The following FBXO22 variants were observed in gnomAD, a reference collection of about 807,000 sequenced individuals.
The protein encoded by FBXO22 is F-box only protein 22.
FBXO22 carries 13 observed loss-of-function variants against 37.2 expected under a neutral mutation model. The observed-to-expected ratio is 0.35, with a 90% confidence interval of 0.23 to 0.56. The LOEUF (loss-of-function observed/expected upper bound fraction) is 0.56. FBXO22 is among the 20% of genes least tolerant of loss of function. FBXO22 has a pLI of 0.87. For missense variants in FBXO22, 446 were observed against 509.9 expected, an observed-to-expected ratio of 0.87 and a Z score of 1.21; for synonymous variants, 189 against 189.1, an observed-to-expected ratio of 1.00 and a Z score of 0.00.
rs2030111500 is a variant in FBXO22, at chr15:75,933,022, T to C, written c.1132T>C (p.Cys378Arg). The change falls in exon 7 of 7, where the codon TGT becomes CGT. Residue 378 changes from cysteine (C) to arginine (R), a missense_variant. Coordinates refer to ENST00000308275, the MANE Select transcript of FBXO22 (RefSeq NM_147188.3). ...CACTGGGAACTTTATATTGAGGAAA[T>C]GTAATGAGGTAAAAGATGATGATCT... ...IVTGNFILRKCNEVKDDDLFH... is the reference protein window; with the variant it reads ...IVTGNFILRKRNEVKDDDLFH... The C allele has an allele frequency of 2.5e-6, 4 of 1,614,130 alleles. No homozygotes were observed. The highest frequency in any genetic ancestry group is 1.1e-5 in the South Asian group (1 of 91,086).
chr15:75,931,135 C>T (rs1039682166), intron 6 of FBXO22, among the ~76,000 whole-genome samples: 1 of 151,966 alleles, frequency 6.6e-6, no homozygotes, highest in Admixed American at 6.6e-5. Flanking sequence ...AAATTGTGTA[C>T]GGATAGGGCA....
chr15:75,929,885 TC>T lies in FBXO22; in HGVS notation c.631del (p.Leu211PhefsTer2). 1.2e-6 allele frequency: 2 copies of T among 1,614,034 alleles called. No homozygotes were observed. The highest frequency in any genetic ancestry group is 1.7e-6 in the Non-Finnish European group (2 of 1,179,930). On this transcript the variant is annotated frameshift_variant and splice_region_variant, in exon 6 of 7. Coordinates refer to ENST00000308275, the MANE Select transcript of FBXO22 (RefSeq NM_147188.3). LOFTEE classifies it high-confidence loss of function. ...LERHQLTEVG[L>X]LDNPELRVVL... ...CTGTTGCTCTTCATTTCTCTGCAGG[TC>T]TTTTAGATAACCCTGAACTTCGTGT...
rs568226464 is a variant in FBXO22, at chr15:75,941,490, A to G, written c.*8388A>G. The stretch of plus-strand genomic sequence containing the variant: ...TTTGTATACCAGTGTTCACTGCAGC[A>G]TTATTCACCGTAGTCAAAAGGTAGA... On this transcript the variant is annotated 3_prime_UTR_variant, in exon 7 of 7. Coordinates refer to ENST00000308275, the MANE Select transcript of FBXO22 (RefSeq NM_147188.3). 11 of 152,348 alleles carry G rather than the reference A, an allele frequency of 7.2e-5. No homozygotes were observed. The highest frequency in any genetic ancestry group is 1.3e-4 in the Non-Finnish European group (9 of 68,016). The allele number at this position is 152,348 out of a possible 1,614,324, so 9.4% of individuals were successfully genotyped here. A position where few individuals can be genotyped will look rare whatever the true frequency, so the allele number is the denominator to read the frequency against.
At chr15:75,925,990 C>G (rs1036214757) in intron 5 of FBXO22, among the ~76,000 whole-genome samples, 2 of 152,128 alleles carry the variant, frequency 1.3e-5, no homozygotes, top group Non-Finnish European at 2.9e-5. Context: ...ATTATAGTTG[C>G]CAATCCTACA....
chr15:75,904,249 CGAGGTATCT>C, intron 1 of FBXO22, 146 bp downstream of exon 1: 1 of 1,227,260 alleles, frequency 8.1e-7, no homozygotes, highest in Non-Finnish European at 1.1e-6. Flanking sequence ...CCCCTACCCG[CGAGGTATCT>C]CCCAGCCGTG....
At chr15:75,930,700 A>G (rs945528110) in intron 6 of FBXO22, 2 of 985,406 alleles carry the variant, frequency 2.0e-6, no homozygotes, top group African/African-American at 3.5e-5. Context: ...ATGAAAATAC[A>G]TATCATTTTG....
chr15:75,904,726 G>A, intron 2 of FBXO22, 97 bp downstream of exon 2: 1 of 1,051,962 alleles, frequency 9.5e-7, no homozygotes, highest in Middle Eastern at 2.2e-4. Context: ...TTAATTAAAG[G>A]AACATCTCGT....
chr15:75,907,802 G>A (rs1160037506), intron 2 of FBXO22, among the ~76,000 whole-genome samples: 2 of 152,012 alleles, frequency 1.3e-5, no homozygotes, highest in African/African-American at 4.8e-5. Flanking sequence ...AGTTGGCTGG[G>A]CATGTTAGTG....
intron 5 of FBXO22, among the ~76,000 whole-genome samples, chr15:75,925,590 A>C (rs1263467746): frequency 6.6e-6 from 1 of 151,546 alleles, no homozygotes; most frequent in Non-Finnish European, 1.5e-5. Flanking sequence ...AGAGAGAATC[A>C]GTGCTGAAGC....
In FBXO22 at chr15:75,935,196, C is replaced by G. The variant is rs1434472475; in HGVS notation, c.*2094C>G. ...AATAGTAATTTAACCAAAGTTAAAT[C>G]TGTGTAACTCATTTATTACAATTTT... On this transcript the variant is annotated 3_prime_UTR_variant, in exon 7 of 7. Coordinates refer to ENST00000308275, the MANE Select transcript of FBXO22 (RefSeq NM_147188.3). 1 of 152,204 alleles carries G rather than the reference C, an allele frequency of 6.6e-6. No homozygotes were observed. The highest frequency in any genetic ancestry group is 1.5e-5 in the Non-Finnish European group (1 of 68,034). The allele number at this position is 152,204 out of a possible 1,614,324, so 9.4% of individuals were successfully genotyped here.
In FBXO22 at chr15:75,936,929, T is replaced by C. The variant is rs908227134; in HGVS notation, c.*3827T>C. 1 of 152,094 alleles carries C rather than the reference T, an allele frequency of 6.6e-6. No homozygotes were observed. Among genetic ancestry groups the C allele is most frequent in the African/African-American group, 2.4e-5 (1 of 41,374 alleles). 9.4% of individuals were successfully genotyped at this position (152,094 alleles called of 1,614,324 possible). On this transcript the variant is annotated 3_prime_UTR_variant, in exon 7 of 7. Coordinates refer to ENST00000308275, the MANE Select transcript of FBXO22 (RefSeq NM_147188.3). ...AAAGTTTTTGCTATATAGTGACTGT[T>C]AGCCAGTAAAAACAGGGAAGATTGA...
chr15:75,907,354 T>C (rs1362880524), intron 2 of FBXO22, among the ~76,000 whole-genome samples: 2 of 152,242 alleles, frequency 1.3e-5, no homozygotes, highest in African/African-American at 2.4e-5. Flanking sequence ...TTACTTACAA[T>C]ACCAGGAGCA....
rs2031089473 is a variant in FBXO22 at position 75,942,409 on chromosome 15, TTAA to T, written c.*9314_*9316del. The T allele has an allele frequency of 6.6e-6, 1 of 152,062 alleles. No individual in the cohort carries two copies. The highest frequency in any genetic ancestry group is 6.6e-5 in the Admixed American group (1 of 15,260). The allele number at this position is 152,062 out of a possible 1,614,324, so 9.4% of individuals were successfully genotyped here. A position where few individuals can be genotyped will look rare whatever the true frequency, so the allele number is the denominator to read the frequency against. ...AAATATACCACACTAGTGCAAGATG[TTAA>T]TAATAAAGGCCTGGGGTGGGGGGAA... is the stretch of plus-strand genomic sequence containing the variant. On this transcript the variant is annotated 3_prime_UTR_variant, in exon 7 of 7. Transcript: ENST00000308275.
chr15:75,932,688 C>G lies in FBXO22; in HGVS notation c.798C>G (p.Asn266Lys), dbSNP rs1299711459. 1.3e-6 allele frequency: 2 copies of G among 1,569,480 alleles called. No individual in the cohort carries two copies. The highest frequency in any genetic ancestry group is 1.4e-5 in the African/African-American group (1 of 72,654). Reference protein sequence around the residue: ...DNLSSLTSEKNPLDIDASGVV... With the variant: ...DNLSSLTSEKKPLDIDASGVV... Reference sequence around the variant, plus strand: ...GCCACTTTTCTAAATTTTCCAGGAACCCTCTGGATATTGATGCCTCGGGTG... The same window carrying G: ...GCCACTTTTCTAAATTTTCCAGGAAGCCTCTGGATATTGATGCCTCGGGTG... Residue 266 changes from asparagine to lysine, a missense_variant, in exon 7 of 7, where the codon AAC (asparagine) becomes AAG (lysine). Asn to Lys is a moderately conservative substitution (Grantham distance 94). Coordinates refer to ENST00000308275, the MANE Select transcript of FBXO22 (RefSeq NM_147188.3).
chr15:75,913,374 A>G, intron 3 of FBXO22, 84 bp downstream of exon 3: 1 of 913,798 alleles, frequency 1.1e-6, no homozygotes, highest in Non-Finnish European at 1.7e-6. Flanking sequence ...TTGTCCTGAG[A>G]GTTAACTGAC....
Position 75,941,832 on chromosome 15 carries a change from G to A in FBXO22, c.*8730G>A, listed in dbSNP as rs1002664234. ...TGAAAAAGTTCCGGAGGTGCATAGT[G>A]GTGACTGGTACATACAACGAATGTA... On this transcript the variant is annotated 3_prime_UTR_variant, in exon 7 of 7. Coordinates refer to ENST00000308275, the MANE Select transcript of FBXO22 (RefSeq NM_147188.3). 1 of 151,302 alleles carries A rather than the reference G, an allele frequency of 6.6e-6. No individual in the cohort carries two copies. Among genetic ancestry groups the A allele is most frequent in the East Asian group, 1.9e-4 (1 of 5,158 alleles). The allele number at this position is 151,302 out of a possible 1,614,324, so 9.4% of individuals were successfully genotyped here.
intron 5 of FBXO22, among the ~76,000 whole-genome samples, chr15:75,918,322 A>G (rs1033367559): frequency 2.6e-4 from 36 of 137,610 alleles, no homozygotes; most frequent in Middle Eastern, 3.7e-3. Flanking sequence ...GACAATGTGG[A>G]AAAAAAAAAA....
intron 6 of FBXO22, chr15:75,930,510 C>CT (rs771692781): frequency 3.0e-6 from 3 of 987,072 alleles, no homozygotes; most frequent in Non-Finnish European, 3.6e-6. Flanking sequence ...GGTCACAAAA[C>CT]TTTTTTCCAC....
rs750042912 is a variant in FBXO22 at position 75,933,234 on chromosome 15, A to G, written c.*132A>G. 2 of 728,964 alleles carry G rather than the reference A, an allele frequency of 2.7e-6. No individual in the cohort carries two copies. The highest frequency in any genetic ancestry group is 1.8e-5 in the African/African-American group (1 of 56,198). 45.2% of individuals were successfully genotyped at this position (728,964 alleles called of 1,614,324 possible). On this transcript the variant is annotated 3_prime_UTR_variant, in exon 7 of 7. Coordinates refer to ENST00000308275, the MANE Select transcript of FBXO22 (RefSeq NM_147188.3). The stretch of plus-strand genomic sequence containing the variant: ...TTTTTGTAGCTTTGATTGATGCTCT[A>G]AGATCACATGAGGGTAGTATTTAAT...
Sources: allele counts gnomAD v4.1 joint callset (sites outside exome capture counted in the v4.1 genomes callset), GRCh38; gene constraint gnomAD v4.1.1; transcripts MANE v1.5; gene names NCBI Gene and HGNC (gene_info 2026-07-23, HGNC 2026-07-21).